BACE2: variants seen among roughly 807,000 people sequenced by gnomAD.
BACE2 encodes 56 kDa aspartic-like protease.
In BACE2, 17 loss-of-function variants were observed where a neutral mutation model predicts 46.2. The observed-to-expected ratio is 0.37, with a 90% CI of 0.25 to 0.55. The LOEUF (loss-of-function observed/expected upper bound fraction) is 0.55, where lower values mean the gene tolerates loss of function less well. Ranked by LOEUF, BACE2 falls within the 20% of genes least tolerant of loss-of-function variation. The pLI, the probability that BACE2 is intolerant of heterozygous loss-of-function variation, is 0.82. For synonymous variants in BACE2, 277 were observed against 295.9 expected, an observed-to-expected ratio of 0.94 and a Z score of 0.66; for missense variants, 595 against 698.1, an observed-to-expected ratio of 0.85 and a Z score of 1.66.
chr21:41,257,081 G>A, intron 7 of BACE2, 77 bp from the exon 8 acceptor site: 1 of 1,568,594 alleles, frequency 6.4e-7, no homozygotes. Context: ...GAGCATGCGT[G>A]TGACCTCAGC....
chr21:41,205,664 C>G (rs552621469), intron 1 of BACE2, among the ~76,000 whole-genome samples: 1 of 152,156 alleles, frequency 6.6e-6, no homozygotes, highest in African/African-American at 2.4e-5. Context: ...TTTTTTTAAG[C>G]GTGTTGGGTG....
intron 1 of BACE2, chr21:41,178,281 C>T (rs1222742302): frequency 1.3e-5 from 2 of 152,252 alleles, no homozygotes; most frequent in East Asian, 3.9e-4. Context: ...TTCCCCCATC[C>T]TTAAGGTCCT....
At chr21:41,200,891 G>T (rs1985945083) in intron 1 of BACE2, among the ~76,000 whole-genome samples, 1 of 152,202 alleles carries the variant, frequency 6.6e-6, no homozygotes, top group African/African-American at 2.4e-5. Flanking sequence ...TGTTTAAGCT[G>T]CCCAGTCTGC....
chr21:41,254,737 A>G (rs934820540), intron 7 of BACE2, among the ~76,000 whole-genome samples: 3 of 152,222 alleles, frequency 2.0e-5, no homozygotes, highest in Non-Finnish European at 4.4e-5. Context: ...ACTCATCTTC[A>G]TTTAACACTG....
chr21:41,198,946 T>C (rs551841509), intron 1 of BACE2, among the ~76,000 whole-genome samples: 454 of 151,882 alleles, frequency 3.0e-3, no homozygotes, highest in Non-Finnish European at 3.5e-3. Flanking sequence ...TATGTATACA[T>C]GTGACATGCT....
At chr21:41,184,440 A>G (rs765325144) in intron 1 of BACE2, 1 of 167,080 alleles carries the variant, frequency 6.0e-6, no homozygotes, top group Non-Finnish European at 1.5e-5. Flanking sequence ...TTTCTGGTTT[A>G]TCTGAAAACT....
intron 1 of BACE2, among the ~76,000 whole-genome samples, chr21:41,207,413 A>T (rs577561104): frequency 1.3e-5 from 2 of 152,236 alleles, no homozygotes; most frequent in East Asian, 3.9e-4. Flanking sequence ...TGGGAAAAGG[A>T]TCATTGTTTT....
intron 3 of BACE2, among the ~76,000 whole-genome samples, chr21:41,238,474 G>A (rs1482358225): frequency 6.6e-6 from 1 of 152,212 alleles, no homozygotes; most frequent in African/African-American, 2.4e-5. Context: ...CTAGGGGTGT[G>A]TGCAGGGCTC....
At chr21:41,260,353 C>T (rs7279124) in intron 8 of BACE2, among the ~76,000 whole-genome samples, 5,141 of 152,204 alleles carry the variant, frequency 0.034, 296 homozygotes, top group African/African-American at 0.12. Flanking sequence ...CTGCGTTGCC[C>T]AGGCTGGTCT....
At chr21:41,231,501 A>G (rs1389289661) in intron 2 of BACE2, among the ~76,000 whole-genome samples, 4 of 152,238 alleles carry the variant, frequency 2.6e-5, no homozygotes, top group African/African-American at 9.6e-5. Flanking sequence ...ATTGAACTCT[A>G]GAATTCTGCA....
At chr21:41,274,888 G>T (rs886486899) in intron 8 of BACE2, among the ~76,000 whole-genome samples, 1 of 152,178 alleles carries the variant, frequency 6.6e-6, no homozygotes, top group African/African-American at 2.4e-5. Flanking sequence ...CCATGGTAGG[G>T]AGTGAACTCA....
At chr21:41,179,033 T>G (rs1984968059) in intron 1 of BACE2, 1 of 1,058,652 alleles carries the variant, frequency 9.4e-7, no homozygotes. Context: ...AGGGAAAGCG[T>G]GTCCCAGGCT....
chr21:41,275,587 A>G lies in BACE2; in HGVS notation c.1520A>G (p.Asn507Ser), dbSNP rs760711692. 3 of 1,613,950 alleles carry G rather than the reference A, an allele frequency of 1.9e-6. No homozygotes were observed. Among genetic ancestry groups the G allele is most frequent in the Non-Finnish European group, 1.7e-6 (2 of 1,180,030 alleles). The change falls in exon 9 of 9, where the codon AAT becomes AGT. Residue 507 changes from asparagine to serine, a missense_variant. Physicochemically the swap from Asn to Ser is conservative, Grantham distance 46. Coordinates refer to ENST00000330333, the MANE Select transcript of BACE2 (RefSeq NM_012105.5). Reference protein sequence around the residue: ...QRRPRDPEVVNDESSLVRHRW... With the variant: ...QRRPRDPEVVSDESSLVRHRW... ...CGCCCCCGTGACCCTGAGGTCGTCA[A>G]TGATGAGTCCTCTCTGGTCAGACAT...
At chr21:41,250,676 C>T (rs974794612) in intron 6 of BACE2, 76 bp from the exon 7 acceptor site, 4 of 1,425,212 alleles carry the variant, frequency 2.8e-6, no homozygotes, top group African/African-American at 1.4e-5. Flanking sequence ...GGCGAGGTGG[C>T]TAGGAAAGCC....
At position 41,277,475 on chromosome 21, in the gene BACE2, A is replaced by G. The variant is rs1158692357; in HGVS notation, c.*1851A>G. On this transcript the variant is annotated 3_prime_UTR_variant, in exon 9 of 9. Transcript: ENST00000330333. Reference sequence around the variant, plus strand: ...CTCATAATCTCAGAATGCATTTCACACGGAGAGATGTCTGGAAGTCCAATT... The same window carrying G: ...CTCATAATCTCAGAATGCATTTCACGCGGAGAGATGTCTGGAAGTCCAATT... The G allele has an allele frequency of 6.6e-6, 1 of 152,192 alleles. No individual in the cohort carries two copies. 9.4% of individuals were successfully genotyped at this position (152,192 alleles called of 1,614,324 possible).
chr21:41,174,708 C>T (rs1208985520), intron 1 of BACE2, among the ~76,000 whole-genome samples: 1 of 152,124 alleles, frequency 6.6e-6, no homozygotes, highest in Admixed American at 6.5e-5. Context: ...GGGTGGTGGT[C>T]CTCCTTGCTG....
intron 1 of BACE2, among the ~76,000 whole-genome samples, chr21:41,217,315 G>A (rs963519920): frequency 1.3e-5 from 2 of 152,174 alleles, no homozygotes; most frequent in South Asian, 2.1e-4. Flanking sequence ...TTTTTAGGGC[G>A]ATTGATGTTT....
intron 8 of BACE2, among the ~76,000 whole-genome samples, chr21:41,269,309 A>G (rs986030425): frequency 2.0e-5 from 3 of 152,182 alleles, no homozygotes; most frequent in Non-Finnish European, 4.4e-5. Context: ...ATTCTTTGAC[A>G]TGCTTTGACT....
In BACE2 at chr21:41,251,661, C is replaced by T. The variant is rs539225133; in HGVS notation, c.1134+760C>T. Among the ~76,000 whole-genome samples, 495 of 152,004 alleles carry T rather than the reference C, an allele frequency of 3.3e-3. 6 individuals are homozygous for T. Among genetic ancestry groups the T allele is most frequent in the Middle Eastern group, 0.01 (3 of 292 alleles). On this transcript the variant is annotated intron_variant, in intron 7 of 8. Coordinates refer to ENST00000330333, the MANE Select transcript of BACE2 (RefSeq NM_012105.5). ...GCTAAAAATACAAAAATTAGCCGGGCGTGATGGTGCATGCCTGTAATCCCA... is the reference window on the plus strand; with the variant it reads ...GCTAAAAATACAAAAATTAGCCGGGTGTGATGGTGCATGCCTGTAATCCCA...
Sources: gnomAD v4.1 joint callset for allele counts (sites outside exome capture counted in the v4.1 genomes callset) on GRCh38, gnomAD v4.1.1 for gene constraint, MANE v1.5 for transcripts, NCBI Gene and HGNC (gene_info 2026-07-23, HGNC 2026-07-21) for gene names.